PCDHGA2: variants seen among roughly 807,000 people sequenced by gnomAD.
PCDHGA2 encodes the protein protocadherin gamma subfamily A, 2, also known as protocadherin gamma-A2.
A neutral mutation model predicts 59.2 loss-of-function variants in PCDHGA2; 40 were observed. The observed-to-expected ratio is 0.68, with a 90% confidence interval of 0.52 to 0.88. PCDHGA2 has a LOEUF of 0.88. Among genes scored for constraint, PCDHGA2 ranks in the 40% least tolerant of loss-of-function variants. The probability of loss-of-function intolerance (pLI) is 0.00; values close to 1 mark genes in which losing one functional copy is unlikely to be tolerated. For synonymous variants in PCDHGA2, 560 were observed against 526.0 expected (o/e 1.06, Z -0.89); for missense variants, 1,226 against 1,204.0 (o/e 1.02, Z -0.27).
chr5:141,374,179 C>G, intron 1 of PCDHGA2: 1 of 1,613,664 alleles, frequency 6.2e-7, no homozygotes, highest in East Asian at 2.2e-5. Flanking sequence ...CGCAGATCCG[C>G]TACTCTATTC....
At chr5:141,393,707 T>TG in intron 1 of PCDHGA2, 2 of 1,613,882 alleles carry the variant, frequency 1.2e-6, no homozygotes, top group South Asian at 2.2e-5. Context: ...ATGAAAATAC[T>TG]GGGGAAATAT....
chr5:141,467,296 A>G lies in PCDHGA2; in HGVS notation c.2425-27511A>G, dbSNP rs1032802325. Among the ~76,000 whole-genome samples the G allele has an allele frequency of 6.6e-5, 10 of 151,858 alleles. No individual in the cohort carries two copies. The East Asian group carries it at 9.7e-4, about 15-fold the overall frequency. On this transcript the variant is annotated intron_variant, in intron 1 of 3. Transcript: ENST00000394576. The stretch of plus-strand genomic sequence containing the variant: ...TCGAACTCTTGACCTCAAGTGATCC[A>G]CTCACCTCGGCCTCCCACAGTGCTG...
At chr5:141,467,285 T>G (rs6870144) in intron 1 of PCDHGA2, among the ~76,000 whole-genome samples, 42,564 of 152,010 alleles carry the variant, frequency 0.28, 6,785 homozygotes, top group African/African-American at 0.45. Context: ...ACTCTTGACC[T>G]CAAGTGATCC....
intron 1 of PCDHGA2, among the ~76,000 whole-genome samples, chr5:141,386,362 G>A (rs1285554716): frequency 6.6e-6 from 1 of 152,108 alleles, no homozygotes; most frequent in African/African-American, 2.4e-5. Context: ...CTTGATTCCA[G>A]AGACCTTTGA....
rs551414580 is a variant in PCDHGA2, at chr5:141,493,693, C to T, written c.2425-1114C>T. ...GCCCCAGAATGGTGCTGGTGACTCC[C>T]GATACACCTGGAATGCTAGGTTTCT... On this transcript the variant is annotated intron_variant, in intron 1 of 3. Coordinates refer to ENST00000394576, the MANE Select transcript of PCDHGA2 (RefSeq NM_018915.4). This position sits in a 1 kb window ranked among gnomAD's most constrained non-coding sequence, Gnocchi z 4.3. 5.3e-5 allele frequency among the ~76,000 whole-genome samples: 8 copies of T among 152,168 alleles called. No individual in the cohort carries two copies. Among genetic ancestry groups the T allele is most frequent in the Non-Finnish European group, 1.0e-4 (7 of 68,032 alleles).
At chr5:141,346,014 A>C (rs1561491406) in intron 1 of PCDHGA2, 4 of 1,613,178 alleles carry the variant, frequency 2.5e-6, no homozygotes. Flanking sequence ...TGTCACGCTC[A>C]CCGTGGCCGT....
At chr5:141,422,181 G>A in intron 1 of PCDHGA2, 3 of 1,561,316 alleles carry the variant, frequency 1.9e-6, no homozygotes, top group Non-Finnish European at 2.6e-6. Flanking sequence ...TCTATGAGAT[G>A]GAAATTCAAG....
At chr5:141,341,460 C>G (rs777325888) in intron 1 of PCDHGA2, 65 bp downstream of exon 1, 1 of 1,602,750 alleles carries the variant, frequency 6.2e-7, no homozygotes, top group East Asian at 2.2e-5. Context: ...TACTTGTTTA[C>G]TATATCTATT....
rs751345684 is a variant in PCDHGA2 at position 141,398,995 on chromosome 5, C to G, written c.2424+57600C>G. ...CTACAGAACCGGGCAAATCTTTAGT[C>G]TGAATTCAAAGAGCGGAGAAATTAC... On this transcript the variant is annotated intron_variant, in intron 1 of 3. Transcript: ENST00000394576. 2.5e-5 allele frequency: 41 copies of G among 1,613,782 alleles called. No homozygotes were observed. The East Asian group carries it at 8.7e-4, about 34-fold the overall frequency.
At chr5:141,345,898 A>C (rs781265250) in intron 1 of PCDHGA2, 8 of 1,612,394 alleles carry the variant, frequency 5.0e-6, no homozygotes, top group African/African-American at 1.3e-5. Flanking sequence ...GTGGGTCTGC[A>C]CACGGGCGAG....
At chr5:141,507,558 G>A (rs573728108) in intron 3 of PCDHGA2, among the ~76,000 whole-genome samples, 57 of 152,346 alleles carry the variant, frequency 3.7e-4, no homozygotes, top group African/African-American at 1.3e-3. Context: ...AGTGGCAGGC[G>A]GCTGGGTCTG....
intron 1 of PCDHGA2, chr5:141,400,082 C>A: frequency 1.2e-6 from 2 of 1,614,016 alleles, no homozygotes; most frequent in Non-Finnish European, 1.7e-6. Flanking sequence ...CCACTCTCCG[C>A]CACCGCCACG....
intron 1 of PCDHGA2, chr5:141,367,611 T>C (rs868477052): frequency 2.4e-4 from 36 of 152,038 alleles, no homozygotes; most frequent in African/African-American, 8.5e-4. Flanking sequence ...AATGATAACA[T>C]GTAGCATTCT....
intron 1 of PCDHGA2, chr5:141,362,282 G>T (rs750712376): frequency 1.2e-6 from 2 of 1,613,920 alleles, no homozygotes; most frequent in Non-Finnish European, 1.7e-6. Flanking sequence ...CTGCGCCTGC[G>T]ACTCTCTTCC....
At position 141,496,266 on chromosome 5, in the gene PCDHGA2, AAGACCTTC is replaced by A. The variant is rs2099767586; in HGVS notation, c.2483+1404_2483+1411del. Among the ~76,000 whole-genome samples the A allele has an allele frequency of 2.0e-5, 3 of 152,152 alleles. No homozygotes were observed. The South Asian group carries it at 6.2e-4, about 32-fold the overall frequency. Reference sequence around the variant, plus strand: ...TGAAGGGGAGGGAAACTTCAGCAGAAAGACCTTCAGTTGGTCTGAGCAGAGTGGGATAG... The same window carrying A: ...TGAAGGGGAGGGAAACTTCAGCAGAAAGTTGGTCTGAGCAGAGTGGGATAG... On this transcript the variant is annotated intron_variant, in intron 2 of 3. Coordinates refer to ENST00000394576, the MANE Select transcript of PCDHGA2 (RefSeq NM_018915.4).
intron 1 of PCDHGA2, chr5:141,408,741 T>C: frequency 6.2e-7 from 1 of 1,610,092 alleles, no homozygotes; most frequent in Non-Finnish European, 8.5e-7. Context: ...TATTTTTCAT[T>C]AATGGTTAGA....
At chr5:141,494,733 C>G in intron 1 of PCDHGA2, 74 bp from the exon 2 acceptor site, 1 of 1,610,826 alleles carries the variant, frequency 6.2e-7, no homozygotes, top group South Asian at 1.1e-5. Flanking sequence ...CTCTCCCGGC[C>G]CATCCCTAGG....
At chr5:141,410,818 T>G in intron 1 of PCDHGA2, 2 of 556,016 alleles carry the variant, frequency 3.6e-6, no homozygotes, top group Non-Finnish European at 5.8e-6. Context: ...TGTAAAATAA[T>G]GTCACCAGAC....
At chr5:141,433,877 A>G (rs1481965040) in intron 1 of PCDHGA2, among the ~76,000 whole-genome samples, 5 of 151,470 alleles carry the variant, frequency 3.3e-5, no homozygotes, top group Admixed American at 6.6e-5. Context: ...AGTTTCATCC[A>G]TTGATGACAC....
Sources: gnomAD v4.1 joint callset for allele counts (sites outside exome capture counted in the v4.1 genomes callset) on GRCh38, gnomAD v4.1.1 for gene constraint, Gnocchi (gnomAD v3.1) non-coding constraint, MANE v1.5 for transcripts, NCBI Gene and HGNC (gene_info 2026-07-23, HGNC 2026-07-21) for gene names.